Variants in STK31 observed in about 807,000 individuals in gnomAD.
STK31 encodes the protein serine/threonine kinase 31.
A neutral mutation model predicts 129.7 loss-of-function variants in STK31; 89 were observed. That is an observed-to-expected ratio of 0.69 (90% CI 0.58 to 0.82). The LOEUF (loss-of-function observed/expected upper bound fraction) is 0.82. STK31 is among the 40% of genes least tolerant of loss of function. STK31 has a pLI of 0.00. For synonymous variants in STK31, 448 were observed against 395.3 expected (o/e 1.13, Z -1.58); for missense variants, 1,187 against 1,176.4 (o/e 1.01, Z -0.13).
chr7:23,738,527 A>G (rs937100254), intron 8 of STK31, among the ~76,000 whole-genome samples: 1 of 151,796 alleles, frequency 6.6e-6, no homozygotes, highest in African/African-American at 2.4e-5. Context: ...AGCTCGGACT[A>G]TAGGTATGTG....
chr7:23,727,452 T>C (rs1284346056), intron 5 of STK31, 137 bp downstream of exon 5: 1 of 664,914 alleles, frequency 1.5e-6, no homozygotes, highest in African/African-American at 1.8e-5. Context: ...CAGAAGAAAT[T>C]AATTGCTAAA....
chr7:23,728,519 T>C (rs1440075026), intron 5 of STK31, among the ~76,000 whole-genome samples: 2 of 152,224 alleles, frequency 1.3e-5, no homozygotes, highest in African/African-American at 4.8e-5. Context: ...ACATATGTTT[T>C]TCAGTTGGCT....
At chr7:23,746,017 C>G (rs563349966) in intron 8 of STK31, among the ~76,000 whole-genome samples, 1 of 152,212 alleles carries the variant, frequency 6.6e-6, no homozygotes, top group Non-Finnish European at 1.5e-5. Context: ...CGGGTACTTG[C>G]AGCCAGCTGC....
intron 5 of STK31, among the ~76,000 whole-genome samples, chr7:23,728,749 G>T (rs1787229002): frequency 1.3e-5 from 2 of 152,044 alleles, no homozygotes; most frequent in African/African-American, 2.4e-5. Flanking sequence ...ATTGAATGTT[G>T]ATTGATTTTA....
At chr7:23,786,796 G>C in intron 19 of STK31, 42 bp from the exon 20 acceptor site, 1 of 1,585,170 alleles carries the variant, frequency 6.3e-7, no homozygotes, top group Non-Finnish European at 8.6e-7. Flanking sequence ...ATATGTTGAA[G>C]AAGTTTTTAC....
At chr7:23,749,423 A>C (rs1185034647) in intron 8 of STK31, among the ~76,000 whole-genome samples, 1 of 145,914 alleles carries the variant, frequency 6.9e-6, no homozygotes, top group African/African-American at 2.5e-5. Context: ...GCTCACTGCA[A>C]CCTCCACCTC....
chr7:23,729,819 C>G (rs1787296824), intron 6 of STK31, among the ~76,000 whole-genome samples: 4 of 151,992 alleles, frequency 2.6e-5, no homozygotes, highest in African/African-American at 9.7e-5. Flanking sequence ...CAAGGATAGT[C>G]TCTTATATGA....
chr7:23,780,154 C>T (rs775340508), intron 15 of STK31, among the ~76,000 whole-genome samples: 1 of 152,132 alleles, frequency 6.6e-6, no homozygotes, highest in Non-Finnish European at 1.5e-5. Flanking sequence ...TGCTTGCCCT[C>T]TGTAGGCTGC....
At chr7:23,711,361 CG>C (rs1042614807) in intron 1 of STK31, among the ~76,000 whole-genome samples, 1 of 151,356 alleles carries the variant, frequency 6.6e-6, no homozygotes, top group Non-Finnish European at 1.5e-5. Flanking sequence ...TGCTTGAACC[CG>C]GGGGGTGGAG....
intron 8 of STK31, among the ~76,000 whole-genome samples, chr7:23,751,745 T>C (rs1788722363): frequency 6.6e-6 from 1 of 152,212 alleles, no homozygotes; most frequent in Admixed American, 6.5e-5. Context: ...GTTCTATTAT[T>C]ATGCAAATAT....
At chr7:23,757,256 G>C (rs1310181268) in intron 10 of STK31, among the ~76,000 whole-genome samples, 1 of 152,084 alleles carries the variant, frequency 6.6e-6, no homozygotes, top group Non-Finnish European at 1.5e-5. Context: ...TCGTCAGGTG[G>C]AACGAGAGAC....
At chr7:23,810,643 A>G (rs1793033847) in intron 22 of STK31, among the ~76,000 whole-genome samples, 1 of 137,518 alleles carries the variant, frequency 7.3e-6, no homozygotes, top group African/African-American at 2.7e-5. Context: ...TATAAAATAT[A>G]TAAATTATAT....
At chr7:23,796,520 T>C (rs931003221) in intron 22 of STK31, among the ~76,000 whole-genome samples, 4 of 152,186 alleles carry the variant, frequency 2.6e-5, no homozygotes, top group African/African-American at 9.7e-5. Flanking sequence ...TTTAAAAACT[T>C]TATTTTTAGA....
chr7:23,780,340 T>C (rs572757025), intron 15 of STK31, among the ~76,000 whole-genome samples: 1 of 152,302 alleles, frequency 6.6e-6, no homozygotes, highest in Admixed American at 6.5e-5. Context: ...CCAAACTATC[T>C]GAGGCAGGTA....
chr7:23,805,952 T>C (rs1792679781), intron 22 of STK31, among the ~76,000 whole-genome samples: 1 of 152,200 alleles, frequency 6.6e-6, no homozygotes, highest in African/African-American at 2.4e-5. Flanking sequence ...ATCCAAAGTA[T>C]AGATATGAGA....
intron 22 of STK31, among the ~76,000 whole-genome samples, chr7:23,794,057 G>A (rs372663714): frequency 4.4e-4 from 67 of 152,240 alleles, no homozygotes; most frequent in African/African-American, 1.4e-3. Context: ...GGAATAAAAC[G>A]ATTGAACTAT....
chr7:23,819,468 T>A (rs993178860), intron 23 of STK31, among the ~76,000 whole-genome samples: 8 of 151,750 alleles, frequency 5.3e-5, no homozygotes, highest in Non-Finnish European at 8.8e-5. Context: ...AAGGCTGAAG[T>A]GCAGGGGCAC....
intron 5 of STK31, 59 bp from the exon 6 acceptor site, chr7:23,729,032 T>C: frequency 6.9e-7 from 1 of 1,453,774 alleles, no homozygotes. Flanking sequence ...AAATTGGTGG[T>C]TTCTTTGGAA....
chr7:23,742,797 C>T (rs1479075338), intron 8 of STK31, among the ~76,000 whole-genome samples: 1 of 151,894 alleles, frequency 6.6e-6, no homozygotes, highest in Non-Finnish European at 1.5e-5. Flanking sequence ...CTGATTCTTC[C>T]CTGTGGAAAA....
Sources: gnomAD v4.1 joint callset for allele counts (sites outside exome capture counted in the v4.1 genomes callset) on GRCh38, gnomAD v4.1.1 for gene constraint, MANE v1.5 for transcripts, NCBI Gene and HGNC (gene_info 2026-07-23, HGNC 2026-07-21) for gene names.